The following PGM5 variants were observed in gnomAD, a reference collection of about 807,000 sequenced individuals.
PGM5 encodes the protein phosphoglucomutase-like protein 5.
Under a neutral mutation model 59.2 loss-of-function variants are expected in PGM5, and 23 were observed. The ratio of observed to expected loss-of-function variants is 0.39; its 90% CI spans 0.28 to 0.55. The LOEUF (loss-of-function observed/expected upper bound fraction) is 0.55, where lower values mean the gene tolerates loss of function less well. Ranked by LOEUF, PGM5 falls within the 20% of genes least tolerant of loss-of-function variation. The pLI, the probability that PGM5 is intolerant of heterozygous loss-of-function variation, is 0.66. For synonymous variants in PGM5, 214 were observed against 286.0 expected (o/e 0.75, Z 2.54); for missense variants, 574 against 748.3 (o/e 0.77, Z 2.72).
chr9:68,516,029 A>G (rs1042585126), intron 10 of PGM5, among the ~76,000 whole-genome samples: 3 of 152,170 alleles, frequency 2.0e-5, no homozygotes, highest in Non-Finnish European at 4.4e-5. Context: ...CCACAATCCA[A>G]TGCTATAGGT....
chr9:68,378,376 A>T lies in PGM5; in HGVS notation c.424+15A>T. 1 of 1,584,678 alleles carries T rather than the reference A, an allele frequency of 6.3e-7. No individual in the cohort carries two copies. The highest frequency in any genetic ancestry group is 8.6e-7 in the Non-Finnish European group (1 of 1,167,622). On this transcript the variant is annotated intron_variant, in intron 2 of 10. Transcript: ENST00000396396. ...TGCCAATGGAGGTATGTGGTTCAGC[A>T]TATGCCTTAATAATTACGATTTCTT...
At chr9:68,442,593 G>A (rs1823547044) in intron 6 of PGM5, among the ~76,000 whole-genome samples, 2 of 152,234 alleles carry the variant, frequency 1.3e-5, no homozygotes, top group South Asian at 4.1e-4. Context: ...CAGAGATAAT[G>A]AAGCAGAATA....
chr9:68,514,611 A>G (rs1476815988), intron 10 of PGM5, among the ~76,000 whole-genome samples: 11 of 152,142 alleles, frequency 7.2e-5, no homozygotes, highest in African/African-American at 2.7e-4. Context: ...TCTCAAAAAA[A>G]CAAGCAAACA....
At chr9:68,483,801 G>A (rs1738640079) in intron 8 of PGM5, 64 bp from the exon 9 acceptor site, 1 of 1,471,502 alleles carries the variant, frequency 6.8e-7, no homozygotes, top group Non-Finnish European at 9.5e-7. Flanking sequence ...TTAAATAACT[G>A]TAAGTGGGCC....
chr9:68,527,594 A>G (rs1825005497), intron 10 of PGM5, among the ~76,000 whole-genome samples: 1 of 152,120 alleles, frequency 6.6e-6, no homozygotes, highest in Non-Finnish European at 1.5e-5. Flanking sequence ...GCCAGTGTAA[A>G]ATGTTTCTGG....
intron 9 of PGM5, among the ~76,000 whole-genome samples, chr9:68,487,674 A>G (rs1258839925): frequency 2.0e-5 from 3 of 152,052 alleles, no homozygotes; most frequent in African/African-American, 4.8e-5. Flanking sequence ...GTTAAATTCT[A>G]CTTACTTAAA....
At chr9:68,409,960 C>T (rs1554681484) in intron 6 of PGM5, among the ~76,000 whole-genome samples, 4 of 152,008 alleles carry the variant, frequency 2.6e-5, no homozygotes, top group Non-Finnish European at 2.9e-5. Context: ...CTCATCACTT[C>T]TCAGGGCCTC....
chr9:68,529,746 A>T lies in PGM5; in HGVS notation c.*90A>T. On this transcript the variant is annotated 3_prime_UTR_variant, in exon 11 of 11. Transcript: ENST00000396396. The stretch of plus-strand genomic sequence containing the variant: ...TTCTTGCTACCTGTTTGTGCCTCTT[A>T]TGACTTTGGAAAAACAAAAGATATT... 5.5e-6 allele frequency: 3 copies of T among 543,328 alleles called. No individual in the cohort carries two copies. Among genetic ancestry groups the T allele is most frequent in the Non-Finnish European group, 3.0e-6 (1 of 332,262 alleles). The allele number at this position is 543,328 out of a possible 1,614,324, so 33.7% of individuals were successfully genotyped here. A position where few individuals can be genotyped will look rare whatever the true frequency, so the allele number is the denominator to read the frequency against.
rs113921267 is a variant in PGM5 at position 68,389,842 on chromosome 9, C to T, written c.698-1692C>T. ...CAAATCATTTTCCAAAATGCCTGTT[C>T]CATTTGCACCACTGGCAATGCATGA... On this transcript the variant is annotated intron_variant, in intron 4 of 10. Coordinates refer to ENST00000396396, the MANE Select transcript of PGM5 (RefSeq NM_021965.4). Among the ~76,000 whole-genome samples, 205 of 152,180 alleles carry T rather than the reference C, an allele frequency of 1.3e-3. 1 individual carries two copies. Among genetic ancestry groups the T allele is most frequent in the African/African-American group, 4.7e-3 (195 of 41,546 alleles).
chr9:68,369,449 C>T (rs1299766390), intron 1 of PGM5, among the ~76,000 whole-genome samples: 2 of 152,266 alleles, frequency 1.3e-5, no homozygotes, highest in East Asian at 3.9e-4. Flanking sequence ...AAAATGGCAA[C>T]AAGTGGAGCC....
chr9:68,410,705 C>T (rs1822913653), intron 6 of PGM5, among the ~76,000 whole-genome samples: 1 of 152,154 alleles, frequency 6.6e-6, no homozygotes, highest in Non-Finnish European at 1.5e-5. Context: ...GGGCAAACCT[C>T]TGAGGCCAAA....
intron 7 of PGM5, among the ~76,000 whole-genome samples, chr9:68,465,813 T>G (rs1823925532): frequency 6.6e-6 from 1 of 152,212 alleles, no homozygotes; most frequent in Admixed American, 6.5e-5. Flanking sequence ...TGTAAAGTAC[T>G]CTGTGTAAAG....
At chr9:68,399,652 T>G (rs1193421199) in intron 6 of PGM5, among the ~76,000 whole-genome samples, 1 of 152,104 alleles carries the variant, frequency 6.6e-6, no homozygotes, top group Non-Finnish European at 1.5e-5. Context: ...TTTTTTCTAT[T>G]TAGGGTTCTT....
At chr9:68,483,537 C>G (rs1267303747) in intron 8 of PGM5, among the ~76,000 whole-genome samples, 1 of 152,146 alleles carries the variant, frequency 6.6e-6, no homozygotes, top group African/African-American at 2.4e-5. Context: ...AAAGACAGAA[C>G]AAAGTTGAGT....
In PGM5 at chr9:68,470,853, G is replaced by C. The variant is rs1054136290; in HGVS notation, c.1159+5645G>C. 3.3e-5 allele frequency among the ~76,000 whole-genome samples: 5 copies of C among 152,212 alleles called. No homozygotes were observed. The South Asian group carries it at 8.3e-4, about 25-fold the overall frequency. Reference sequence around the variant, plus strand: ...TGGGGCTATTTGAAACAGGCTGAGTGCATGTGTGCATTTCAATCTAGGCTG... The same window carrying C: ...TGGGGCTATTTGAAACAGGCTGAGTCCATGTGTGCATTTCAATCTAGGCTG... On this transcript the variant is annotated intron_variant, in intron 7 of 10. Transcript: ENST00000396396.
intron 2 of PGM5, among the ~76,000 whole-genome samples, chr9:68,382,983 C>G (rs1587781700): frequency 6.6e-6 from 1 of 152,102 alleles, no homozygotes; most frequent in East Asian, 1.9e-4. Context: ...ATCTGGCAAG[C>G]ATAAAATAAT....
At chr9:68,417,336 A>G (rs368196234) in intron 6 of PGM5, among the ~76,000 whole-genome samples, 18 of 152,274 alleles carry the variant, frequency 1.2e-4, no homozygotes, top group African/African-American at 4.3e-4. Context: ...GCTGAGAAGC[A>G]TATGTGATTA....
At chr9:68,381,523 G>A (rs1325168961) in intron 2 of PGM5, among the ~76,000 whole-genome samples, 1 of 151,816 alleles carries the variant, frequency 6.6e-6, no homozygotes. Flanking sequence ...ACTAGCAAGA[G>A]CAATCAGACA....
intron 9 of PGM5, chr9:68,496,880 A>G (rs1334507979): frequency 6.6e-6 from 1 of 152,228 alleles, no homozygotes; most frequent in Non-Finnish European, 1.5e-5. Context: ...AGTGACTTGG[A>G]ATCTGCAACA....
Sources: allele counts gnomAD v4.1 joint callset (sites outside exome capture counted in the v4.1 genomes callset), GRCh38; gene constraint gnomAD v4.1.1; transcripts MANE v1.5; gene names NCBI Gene and HGNC (gene_info 2026-07-23, HGNC 2026-07-21).